The following PEBP4 variants were observed in gnomAD, a reference collection of about 807,000 sequenced individuals.
PEBP4 encodes the protein phosphatidylethanolamine binding protein 4, also known as phosphatidylethanolamine-binding protein 4.
PEBP4 carries 22 observed loss-of-function variants against 23.9 expected under a neutral mutation model. The observed-to-expected ratio is 0.92, with a 90% CI of 0.66 to 1.31. The LOEUF is 1.31. Ranked by LOEUF, PEBP4 falls within the 40% of genes most tolerant of loss-of-function variation. The probability of loss-of-function intolerance (pLI) is 0.00; values close to 1 mark genes in which losing one functional copy is unlikely to be tolerated. For synonymous variants in PEBP4, 112 were observed against 99.3 expected (o/e 1.13, Z -0.76); for missense variants, 324 against 281.7 (o/e 1.15, Z -1.07).
Position 22,846,511 on chromosome 8 carries a change from G to A in PEBP4, c.259-28776C>T, listed in dbSNP as rs187906536. Among the ~76,000 whole-genome samples, 414 of 152,216 alleles carry A rather than the reference G, an allele frequency of 2.7e-3. 1 individual carries two copies. Among genetic ancestry groups the A allele is most frequent in the Non-Finnish European group, 4.5e-3 (307 of 68,012 alleles). The stretch of plus-strand genomic sequence containing the variant: ...CCACCCTAAACCTACCTTTTCACTT[G>A]GCTGCTGAGCCTGTGATAACTGAAG... On this transcript the variant is annotated intron_variant, in intron 3 of 6. Coordinates refer to ENST00000256404, the MANE Select transcript of PEBP4 (RefSeq NM_144962.3).
chr8:22,817,291 G>A (rs745683829), intron 4 of PEBP4, among the ~76,000 whole-genome samples: 6 of 152,188 alleles, frequency 3.9e-5, no homozygotes, highest in Non-Finnish European at 5.9e-5. Context: ...AATTGTTAAC[G>A]TTTCAGAAAC....
intron 5 of PEBP4, among the ~76,000 whole-genome samples, chr8:22,725,905 C>T (rs144744288): frequency 6.6e-6 from 1 of 152,198 alleles, no homozygotes; most frequent in African/African-American, 2.4e-5. Context: ...CCTCACTGTG[C>T]ACTTCCGGCC....
At chr8:22,744,132 T>C (rs1194408802) in intron 4 of PEBP4, among the ~76,000 whole-genome samples, 1 of 152,222 alleles carries the variant, frequency 6.6e-6, no homozygotes, top group East Asian at 1.9e-4. Flanking sequence ...AATTTGATTG[T>C]AGACATTGGT....
chr8:22,833,174 C>T (rs1807122989), intron 3 of PEBP4, among the ~76,000 whole-genome samples: 1 of 152,184 alleles, frequency 6.6e-6, no homozygotes, highest in African/African-American at 2.4e-5. Flanking sequence ...TATGAACTTC[C>T]TTCATCACCA....
rs527342199 is a variant in PEBP4 at position 22,731,606 on chromosome 8, C to T, written c.358-4386G>A. Among the ~76,000 whole-genome samples the T allele has an allele frequency of 2.0e-5, 3 of 151,444 alleles. No individual in the cohort carries two copies. The East Asian group carries it at 5.8e-4, about 29-fold the overall frequency. ...CTTTGTTGGGGGTGGCACCCATACGCCCTCATTGTTTTATTTATTTATTTA... is the reference window on the plus strand; with the variant it reads ...CTTTGTTGGGGGTGGCACCCATACGTCCTCATTGTTTTATTTATTTATTTA... On this transcript the variant is annotated intron_variant, in intron 4 of 6. Transcript: ENST00000256404.
At chr8:22,721,226 A>C (rs539493738) in intron 6 of PEBP4, among the ~76,000 whole-genome samples, 7 of 152,286 alleles carry the variant, frequency 4.6e-5, no homozygotes, top group Admixed American at 3.9e-4. Flanking sequence ...AGCTGGGAGC[A>C]AATCAATTTC....
At chr8:22,813,266 T>C (rs1806671616) in intron 4 of PEBP4, among the ~76,000 whole-genome samples, 2 of 152,222 alleles carry the variant, frequency 1.3e-5, no homozygotes, top group African/African-American at 4.8e-5. Flanking sequence ...AAGGGAACCA[T>C]GAACTTGCCA....
At chr8:22,817,508 G>T in intron 4 of PEBP4, 129 bp downstream of exon 4, 1 of 826,434 alleles carries the variant, frequency 1.2e-6, no homozygotes, top group Middle Eastern at 2.3e-4. Flanking sequence ...TGATAGCTGA[G>T]CACTGGGGGA....
intron 3 of PEBP4, among the ~76,000 whole-genome samples, chr8:22,896,713 A>G (rs1808596589): frequency 1.3e-5 from 2 of 152,186 alleles, no homozygotes; most frequent in African/African-American, 4.8e-5. Flanking sequence ...AGAGGTTGCA[A>G]GGTGACAACT....
intron 3 of PEBP4, among the ~76,000 whole-genome samples, chr8:22,861,807 G>A (rs1004808162): frequency 2.6e-5 from 4 of 152,074 alleles, no homozygotes; most frequent in East Asian, 1.9e-4. Context: ...TAGGGGTGGT[G>A]GACAGGAGAA....
chr8:22,875,868 C>T lies in PEBP4; in HGVS notation c.258+44316G>A, dbSNP rs539846513. Among the ~76,000 whole-genome samples, 138 of 152,162 alleles carry T rather than the reference C, an allele frequency of 9.1e-4. 3 individuals are homozygous for T. The South Asian group carries it at 0.027, about 30-fold the overall frequency. On this transcript the variant is annotated intron_variant, in intron 3 of 6. Transcript: ENST00000256404. ...CTTCCTTCTACCGGCAATGCTCTTT[C>T]TAGATTTAGAATTTTTAGCTTCAAG...
intron 4 of PEBP4, among the ~76,000 whole-genome samples, chr8:22,736,790 T>C (rs1181260380): frequency 2.0e-5 from 3 of 152,364 alleles, no homozygotes; most frequent in South Asian, 2.1e-4. Context: ...TGAAGTCATA[T>C]AGGGAATTGG....
intron 3 of PEBP4, among the ~76,000 whole-genome samples, chr8:22,870,612 G>T (rs1226078208): frequency 2.0e-5 from 3 of 152,184 alleles, no homozygotes; most frequent in African/African-American, 7.2e-5. Context: ...TGTCAATGTA[G>T]GTTCCTCAAA....
intron 3 of PEBP4, among the ~76,000 whole-genome samples, chr8:22,898,863 C>G (rs1179211422): frequency 6.6e-6 from 1 of 152,160 alleles, no homozygotes; most frequent in East Asian, 1.9e-4. Context: ...CCCCTTACTG[C>G]CCAGGAGGGA....
chr8:22,785,498 G>C (rs1253823397), intron 4 of PEBP4, among the ~76,000 whole-genome samples: 1 of 152,158 alleles, frequency 6.6e-6, no homozygotes, highest in African/African-American at 2.4e-5. Flanking sequence ...GCAAATTGAG[G>C]TCGGCGGTCT....
At chr8:22,866,390 A>T (rs1399267183) in intron 3 of PEBP4, among the ~76,000 whole-genome samples, 2 of 152,234 alleles carry the variant, frequency 1.3e-5, no homozygotes, top group African/African-American at 4.8e-5. Flanking sequence ...AGAGATGAAC[A>T]GCCACTCTCT....
At chr8:22,794,446 A>G (rs1563218283) in intron 4 of PEBP4, among the ~76,000 whole-genome samples, 2 of 152,112 alleles carry the variant, frequency 1.3e-5, no homozygotes, top group Non-Finnish European at 2.9e-5. Flanking sequence ...CCCCTATGCC[A>G]GCTAATTTTT....
intron 4 of PEBP4, among the ~76,000 whole-genome samples, chr8:22,792,121 A>C (rs1806152895): frequency 6.6e-6 from 1 of 151,932 alleles, no homozygotes; most frequent in African/African-American, 2.4e-5. Flanking sequence ...AGCCTCCCAA[A>C]GTGCTGGGAT....
At chr8:22,933,451 C>G (rs1004063920) in intron 1 of PEBP4, among the ~76,000 whole-genome samples, 8 of 152,154 alleles carry the variant, frequency 5.3e-5, no homozygotes, top group African/African-American at 1.9e-4. Flanking sequence ...TATAGGGATC[C>G]TCAATAAAAT....
Sources: allele counts gnomAD v4.1 joint callset (sites outside exome capture counted in the v4.1 genomes callset), GRCh38; gene constraint gnomAD v4.1.1; transcripts MANE v1.5; gene names NCBI Gene and HGNC (gene_info 2026-07-23, HGNC 2026-07-21).